PLEKHM2: variants seen among roughly 807,000 people sequenced by gnomAD.
PLEKHM2 encodes pleckstrin homology domain-containing family M member 2.
A neutral mutation model predicts 116.3 loss-of-function variants in PLEKHM2; 77 were observed. The ratio of observed to expected loss-of-function variants is 0.66; its 90% CI spans 0.55 to 0.80. The LOEUF (loss-of-function observed/expected upper bound fraction) is 0.80, where lower values mean the gene tolerates loss of function less well. Ranked by LOEUF, PLEKHM2 falls within the 30% of genes least tolerant of loss-of-function variation. The pLI is 0.00. For synonymous variants in PLEKHM2, 562 were observed against 571.0 expected (o/e 0.98, Z 0.22); for missense variants, 1,183 against 1,354.9 (o/e 0.87, Z 1.99).
chr1:15,727,612 C>G lies in PLEKHM2; in HGVS notation c.1540C>G (p.Pro514Ala), dbSNP rs1402550057. ...EEGGGGEGQT[P>A]RPLEDTTREA... The stretch of plus-strand genomic sequence containing the variant: ...GGGAGGAGGAGGAGAGGGACAGACG[C>G]CTCGGCCCCTAGAGGATACCACGAG... Residue 514 changes from proline (P) to alanine (A), a missense_variant, in exon 9 of 20, where the codon CCT (proline) becomes GCT (alanine). Transcript: ENST00000375799. The surrounding 1 kb of genome is among the most constrained non-coding windows in gnomAD (Gnocchi z 7.5). 6.3e-7 allele frequency: 1 copy of G among 1,585,652 alleles called. No individual in the cohort carries two copies. The highest frequency in any genetic ancestry group is 8.6e-7 in the Non-Finnish European group (1 of 1,166,716).
chr1:15,727,623 A>T lies in PLEKHM2; in HGVS notation c.1551A>T (p.Leu517=). The T allele has an allele frequency of 6.3e-7, 1 of 1,590,074 alleles. No individual in the cohort carries two copies. The highest frequency in any genetic ancestry group is 8.6e-7 in the Non-Finnish European group (1 of 1,168,926). The change falls in exon 9 of 20, where the codon CTA becomes CTT. Residue 517 remains leucine, a synonymous_variant. Transcript: ENST00000375799. The surrounding 1 kb of genome is among the most constrained non-coding windows in gnomAD (Gnocchi z 7.5). ...GAGAGGGACAGACGCCTCGGCCCCT[A>T]GAGGATACCACGAGGGAGGCTCAGG... ...GGGEGQTPRP[L]EDTTREAQEL...
At position 15,731,874 on chromosome 1, in the gene PLEKHM2, C is replaced by G. The variant is rs1317586951; in HGVS notation, c.2466-15C>G. 6.2e-7 allele frequency: 1 copy of G among 1,606,696 alleles called. No individual in the cohort carries two copies. Among genetic ancestry groups the G allele is most frequent in the Admixed American group, 1.7e-5 (1 of 59,450 alleles). On this transcript the variant is annotated splice_polypyrimidine_tract_variant and intron_variant, in intron 16 of 19. Coordinates refer to ENST00000375799, the MANE Select transcript of PLEKHM2 (RefSeq NM_015164.4). ...TGCCTCCTCGCTCCCGTTTCACCCT[C>G]CTCCTCTGGCCCAGGGGGGAGCAGT...
Position 15,727,156 on chromosome 1 carries a change from C to G in PLEKHM2, c.1084C>G (p.Arg362Gly), listed in dbSNP as rs61738983. Residue 362 changes from arginine (R) to glycine (G), a missense_variant, in exon 9 of 20, where the codon CGG becomes GGG. Arg to Gly is a moderately radical substitution (Grantham distance 125). Around this residue, in one of 3 missense-constraint regions of PLEKHM2, gnomAD observed 372 missense variants for 357.2 expected, o/e 1.04. Transcript: ENST00000375799. The surrounding 1 kb of genome is among the most constrained non-coding windows in gnomAD (Gnocchi z 7.5). ...DSRNGSPSLG[R>G]DSPDTMLASP... Reference sequence around the variant, plus strand: ...CCGCAACGGCAGCCCAAGCCTTGGGCGGGACTCGCCAGACACTATGCTTGC... The same window carrying G: ...CCGCAACGGCAGCCCAAGCCTTGGGGGGGACTCGCCAGACACTATGCTTGC... 2,115 of 1,597,150 alleles carry G rather than the reference C, an allele frequency of 1.3e-3. 28 individuals carry two copies. The African/African-American group carries it at 0.024, about 18-fold the overall frequency.
In PLEKHM2 at chr1:15,719,325, G is replaced by A. The variant is rs1053604777; in HGVS notation, c.466-409G>A. On this transcript the variant is annotated intron_variant, in intron 5 of 19. Coordinates refer to ENST00000375799, the MANE Select transcript of PLEKHM2 (RefSeq NM_015164.4). This position sits in a 1 kb window ranked among gnomAD's most constrained non-coding sequence, Gnocchi z 4.1. ...AAGTTAGCGGGGTGTGGTGATGGGC[G>A]CCTATAATCTCAGCTACTTGGGAGG... Among the ~76,000 whole-genome samples the A allele has an allele frequency of 3.9e-5, 6 of 152,222 alleles. No individual in the cohort carries two copies. Among genetic ancestry groups the A allele is most frequent in the East Asian group, 3.9e-4 (2 of 5,174 alleles).
chr1:15,700,782 G>A (rs374969989), intron 1 of PLEKHM2, among the ~76,000 whole-genome samples: 13 of 152,306 alleles, frequency 8.5e-5, no homozygotes, highest in South Asian at 6.2e-4. Flanking sequence ...CAGAAGTGCT[G>A]CTGGCAGTAG....
chr1:15,730,752 G>A, intron 15 of PLEKHM2, 30 bp downstream of exon 15: 1 of 1,556,292 alleles, frequency 6.4e-7, no homozygotes. Context: ...TAGGCCTGGG[G>A]CTTGGGCCCT....
rs2148374124 is a variant in PLEKHM2 at position 15,728,334 on chromosome 1, G to A, written c.1898G>A (p.Cys633Tyr). ...CTGCTGTACGTGCTGCTCACAGACT[G>A]CTATGTCTACCTGCTCCGGAAAGGT... The part of the protein sequence containing the change: ...LQLLYVLLTD[C>Y]YVYLLRKGAT... Residue 633 changes from cysteine to tyrosine, a missense_variant, in exon 11 of 20, where the codon TGC becomes TAC. Physicochemically the swap from Cys to Tyr is radical, Grantham distance 194. This residue lies in a region of PLEKHM2 where 594 missense variants were observed against 720.1 expected (regional missense o/e 0.82). Coordinates refer to ENST00000375799, the MANE Select transcript of PLEKHM2 (RefSeq NM_015164.4). The surrounding 1 kb of genome is among the most constrained non-coding windows in gnomAD (Gnocchi z 5.9). The A allele has an allele frequency of 3.1e-6, 5 of 1,613,052 alleles. No individual in the cohort carries two copies. The East Asian group carries it at 8.9e-5, about 29-fold the overall frequency.
chr1:15,718,595 G>T lies in PLEKHM2; in HGVS notation c.435G>T (p.Gly145=). ...CGCTCTTCCTGACCTTGGTGTCCGG[G>T]CTAGAGTTCATTCGTTTCGAGCTGG... The part of the protein sequence containing the change: ...HLTLFLTLVS[G]LEFIRFELDL... Residue 145 remains glycine (G), a synonymous_variant, in exon 5 of 20, where the codon GGG becomes GGT. Transcript: ENST00000375799. The T allele has an allele frequency of 6.4e-7, 1 of 1,562,888 alleles. No homozygotes were observed. Among genetic ancestry groups the T allele is most frequent in the Non-Finnish European group, 8.7e-7 (1 of 1,151,136 alleles).
intron 3 of PLEKHM2, 145 bp from the exon 4 acceptor site, chr1:15,717,748 G>A (rs1641475155): frequency 1.6e-6 from 1 of 610,628 alleles, no homozygotes; most frequent in South Asian, 1.9e-5. Context: ...AGCACTCAGG[G>A]GTTATGGTAC....
At chr1:15,725,200 A>G (rs1425687825) in intron 7 of PLEKHM2, 117 bp from the exon 8 acceptor site, 1 of 697,452 alleles carries the variant, frequency 1.4e-6, no homozygotes, top group African/African-American at 1.8e-5. Flanking sequence ...CACCCCTGTC[A>G]GGTTTCCCTG....
Position 15,732,228 on chromosome 1 carries a change from G to T in PLEKHM2, c.2626-122G>T, listed in dbSNP as rs979695333. ...CACCCCCATCCCCGCCTCTGCTCCC[G>T]ATCCCTGGAGGGAGATCCCTGGAGG... On this transcript the variant is annotated intron_variant, in intron 17 of 19. Transcript: ENST00000375799. 5.0e-6 allele frequency: 5 copies of T among 997,240 alleles called. No individual in the cohort carries two copies. In the African/African-American group the frequency reaches 6.5e-5, roughly 13 times the overall value. 61.8% of individuals were successfully genotyped at this position (997,240 alleles called of 1,614,324 possible).
Position 15,719,136 on chromosome 1 carries a change from G to T in PLEKHM2, c.465+511G>T, listed in dbSNP as rs1403392955. Among the ~76,000 whole-genome samples the T allele has an allele frequency of 6.6e-6, 1 of 152,164 alleles. No homozygotes were observed. Among genetic ancestry groups the T allele is most frequent in the Non-Finnish European group, 1.5e-5 (1 of 68,044 alleles). On this transcript the variant is annotated intron_variant, in intron 5 of 19. Coordinates refer to ENST00000375799, the MANE Select transcript of PLEKHM2 (RefSeq NM_015164.4). The surrounding 1 kb of genome is among the most constrained non-coding windows in gnomAD (Gnocchi z 4.1). ...TTGGACTGGGCTCAAAATGGATGCA[G>T]CTGCCCCGTCCTAATCAAATGACCT... is the stretch of plus-strand genomic sequence containing the variant.
intron 8 of PLEKHM2, 34 bp from the exon 9 acceptor site, chr1:15,726,978 CAG>C (rs2068070350): frequency 3.6e-6 from 5 of 1,383,470 alleles, no homozygotes; most frequent in African/African-American, 2.9e-5. Context: ...CTGGACTACT[CAG>C]GGGTTAACAC....
chr1:15,710,456 T>C (rs369591249), intron 1 of PLEKHM2, among the ~76,000 whole-genome samples: 1 of 151,524 alleles, frequency 6.6e-6, no homozygotes, highest in East Asian at 2.0e-4. Flanking sequence ...GCCTCCCGAG[T>C]AGCTGGGATT....
chr1:15,717,352 T>C (rs1641466457), intron 3 of PLEKHM2, among the ~76,000 whole-genome samples: 1 of 152,186 alleles, frequency 6.6e-6, no homozygotes, highest in Non-Finnish European at 1.5e-5. Context: ...AATTTAAGGC[T>C]GTATTGAGCT....
rs531101671 is a variant in PLEKHM2, at chr1:15,731,053, G to A, written c.2400-139G>A. 37 of 691,262 alleles carry A rather than the reference G, an allele frequency of 5.4e-5. 1 individual carries two copies. The highest frequency in any genetic ancestry group is 3.9e-4 in the African/African-American group (22 of 56,608). 42.8% of individuals were successfully genotyped at this position (691,262 alleles called of 1,614,324 possible). A position where few individuals can be genotyped will look rare whatever the true frequency, so the allele number is the denominator to read the frequency against. ...CAGGCCCTTCTTCACCCTGCCTTCC[G>A]TAGATGACAGCCCCTGGTGTCCTTT... On this transcript the variant is annotated intron_variant, in intron 15 of 19. Coordinates refer to ENST00000375799, the MANE Select transcript of PLEKHM2 (RefSeq NM_015164.4).
chr1:15,716,358 G>T lies in PLEKHM2; in HGVS notation c.167+15G>T. On this transcript the variant is annotated intron_variant, in intron 2 of 19. Coordinates refer to ENST00000375799, the MANE Select transcript of PLEKHM2 (RefSeq NM_015164.4). ...CTGCTGTACGGGTAAGGTGGAGGAA[G>T]TTTCCAAAGATGACGGAGCACAACC... The T allele has an allele frequency of 6.6e-7, 1 of 1,523,490 alleles. No individual in the cohort carries two copies. 94.4% of individuals were successfully genotyped at this position (1,523,490 alleles called of 1,614,324 possible). A position where few individuals can be genotyped will look rare whatever the true frequency, so the allele number is the denominator to read the frequency against.
chr1:15,731,362 A>C, intron 16 of PLEKHM2, 105 bp downstream of exon 16: 1 of 871,076 alleles, frequency 1.1e-6, no homozygotes, highest in South Asian at 1.4e-5. Flanking sequence ...CCTCAACCCC[A>C]CCCCATCCAG....
chr1:15,716,609 C>T (rs771609245), intron 2 of PLEKHM2, 98 bp from the exon 3 acceptor site: 19 of 1,237,906 alleles, frequency 1.5e-5, no homozygotes, highest in Non-Finnish European at 2.1e-5. Context: ...GCTGGGGATC[C>T]ATCACTTCCT....
Sources: allele counts gnomAD v4.1 joint callset (sites outside exome capture counted in the v4.1 genomes callset), GRCh38; gene constraint gnomAD v4.1.1; regional missense constraint gnomAD v4.1.1; non-coding constraint Gnocchi (gnomAD v3.1); transcripts MANE v1.5; gene names NCBI Gene and HGNC (gene_info 2026-07-23, HGNC 2026-07-21).